KPNA3: variants seen among roughly 807,000 people sequenced by gnomAD.
The protein encoded by KPNA3 is karyopherin subunit alpha 3.
In KPNA3, 13 loss-of-function variants were observed where a neutral mutation model predicts 73.8. That is an observed-to-expected ratio of 0.18 (90% CI 0.11 to 0.28). The LOEUF is 0.28. KPNA3 is among the 10% of genes least tolerant of loss of function. The pLI is 1.00. For synonymous variants in KPNA3, 186 were observed against 206.9 expected (o/e 0.90, Z 0.87); for missense variants, 360 against 618.1 (o/e 0.58, Z 4.43).
At chr13:49,762,606 A>G (rs1274240446) in intron 1 of KPNA3, among the ~76,000 whole-genome samples, 1 of 152,194 alleles carries the variant, frequency 6.6e-6, no homozygotes, top group Non-Finnish European at 1.5e-5. Context: ...GTGTCCACTC[A>G]GGGTTAAATG....
At chr13:49,722,248 CAA>C (rs1954366939) in intron 8 of KPNA3, 124 bp from the exon 9 acceptor site, 1 of 747,778 alleles carries the variant, frequency 1.3e-6, no homozygotes, top group South Asian at 2.5e-5. Flanking sequence ...TCAAAGGCAT[CAA>C]GTGTTGTTTC....
At chr13:49,783,696 A>T (rs1954958779) in intron 1 of KPNA3, among the ~76,000 whole-genome samples, 1 of 152,218 alleles carries the variant, frequency 6.6e-6, no homozygotes, top group Admixed American at 6.5e-5. Flanking sequence ...TTTACTGGAT[A>T]CCAAGAAGTT....
At chr13:49,702,513 T>C (rs1359479471) in intron 15 of KPNA3, 33 bp from the exon 16 acceptor site, 1 of 1,178,804 alleles carries the variant, frequency 8.5e-7, no homozygotes, top group Non-Finnish European at 1.2e-6. Flanking sequence ...AATAACTGGT[T>C]AATTGATAAG....
chr13:49,724,378 A>G (rs1281373845), intron 7 of KPNA3, among the ~76,000 whole-genome samples: 1 of 149,516 alleles, frequency 6.7e-6, no homozygotes, highest in African/African-American at 2.5e-5. Flanking sequence ...ATCTCGGCTC[A>G]CTGCAAGCTC....
intron 1 of KPNA3, among the ~76,000 whole-genome samples, chr13:49,784,026 G>A (rs1382773254): frequency 6.6e-6 from 1 of 152,104 alleles, no homozygotes; most frequent in African/African-American, 2.4e-5. Flanking sequence ...ATTGAGGAGG[G>A]AGGACTGCTT....
At chr13:49,734,330 G>C (rs574876606) in intron 2 of KPNA3, among the ~76,000 whole-genome samples, 5 of 152,272 alleles carry the variant, frequency 3.3e-5, no homozygotes, top group African/African-American at 1.2e-4. Context: ...TTTTGTAACT[G>C]TCTTATTCAG....
In KPNA3 at chr13:49,732,495, G is replaced by A. The variant is rs948109557; in HGVS notation, c.288-29C>T. On this transcript the variant is annotated intron_variant, in intron 5 of 16. Transcript: ENST00000261667. Reference sequence around the variant, plus strand: ...GGAAAATAAATATGAGAAATTAATTGCTATAATTTTCAAACTGTGAAAAGA... The same window carrying A: ...GGAAAATAAATATGAGAAATTAATTACTATAATTTTCAAACTGTGAAAAGA... 3.4e-6 allele frequency: 5 copies of A among 1,485,570 alleles called. No homozygotes were observed. The African/African-American group carries it at 5.6e-5, about 17-fold the overall frequency. The allele number at this position is 1,485,570 out of a possible 1,614,324, so 92.0% of individuals were successfully genotyped here. A position where few individuals can be genotyped will look rare whatever the true frequency, so the allele number is the denominator to read the frequency against.
rs546859140 is a variant in KPNA3 at position 49,745,539 on chromosome 13, T to C, written c.114+1410A>G. 4.9e-4 allele frequency among the ~76,000 whole-genome samples: 74 copies of C among 151,954 alleles called. 1 individual carries two copies. The Middle Eastern group carries it at 0.017, about 35-fold the overall frequency. On this transcript the variant is annotated intron_variant, in intron 2 of 16. Transcript: ENST00000261667. ...CACACCCAACTAATTTTTGTATTTT[T>C]AGTAGACAGGGTTTCACCATGTTGG...
intron 2 of KPNA3, among the ~76,000 whole-genome samples, chr13:49,746,092 G>A (rs1409092905): frequency 7.4e-5 from 11 of 148,110 alleles, no homozygotes; most frequent in Admixed American, 6.1e-4. Context: ...AAAGAAACGT[G>A]TAAAGAAAGA....
At chr13:49,734,672 T>C (rs1476134291) in intron 2 of KPNA3, among the ~76,000 whole-genome samples, 2 of 152,194 alleles carry the variant, frequency 1.3e-5, no homozygotes, top group Admixed American at 1.3e-4. Flanking sequence ...CAGGTCACTG[T>C]GGAGCCCCAT....
At chr13:49,788,005 G>GT (rs1011941708) in intron 1 of KPNA3, among the ~76,000 whole-genome samples, 1 of 152,158 alleles carries the variant, frequency 6.6e-6, no homozygotes, top group African/African-American at 2.4e-5. Context: ...TTGATATATT[G>GT]TAAGTCCAGG....
chr13:49,743,320 G>A (rs561862332), intron 2 of KPNA3, among the ~76,000 whole-genome samples: 2 of 152,108 alleles, frequency 1.3e-5, no homozygotes, highest in South Asian at 4.1e-4. Flanking sequence ...CAGATACTCT[G>A]ACCATAAAGA....
chr13:49,739,838 T>C (rs1012610650), intron 2 of KPNA3, among the ~76,000 whole-genome samples: 22 of 152,216 alleles, frequency 1.4e-4, no homozygotes, highest in African/African-American at 4.6e-4. Context: ...GCTCTTTATT[T>C]AGACAGAAAG....
At chr13:49,729,264 C>A (rs1954439494) in intron 6 of KPNA3, among the ~76,000 whole-genome samples, 1 of 151,836 alleles carries the variant, frequency 6.6e-6, no homozygotes, top group South Asian at 2.1e-4. Flanking sequence ...GTAAAAAAAA[C>A]AGTAAGATCA....
chr13:49,740,212 AC>A (rs1251868746), intron 2 of KPNA3, among the ~76,000 whole-genome samples: 1 of 151,486 alleles, frequency 6.6e-6, no homozygotes, highest in Non-Finnish European at 1.5e-5. Context: ...GTGCCACTGC[AC>A]TCCAACTTGG....
intron 9 of KPNA3, 24 bp from the exon 10 acceptor site, chr13:49,719,843 C>T (rs1338370302): frequency 2.8e-6 from 4 of 1,452,902 alleles, no homozygotes; most frequent in Non-Finnish European, 3.9e-6. Context: ...ATAAACAATA[C>T]TTAACATTAG....
At chr13:49,709,955 T>C (rs934400617) in intron 11 of KPNA3, among the ~76,000 whole-genome samples, 4 of 152,094 alleles carry the variant, frequency 2.6e-5, no homozygotes, top group Non-Finnish European at 4.4e-5. Context: ...GAAATTAAAA[T>C]TTTAGAAGAA....
chr13:49,701,752 G>C lies in KPNA3; in HGVS notation c.*48C>G, dbSNP rs753490647. ...TGTTCTTATCATTTGGTAGCCATCT[G>C]GTGGTGCTTCATATTGAATGTGGGA... is the stretch of plus-strand genomic sequence containing the variant. On this transcript the variant is annotated 3_prime_UTR_variant, in exon 17 of 17. Transcript: ENST00000261667. 1 of 1,100,532 alleles carries C rather than the reference G, an allele frequency of 9.1e-7. No individual in the cohort carries two copies. The highest frequency in any genetic ancestry group is 1.4e-6 in the Non-Finnish European group (1 of 711,992). 68.2% of individuals were successfully genotyped at this position (1,100,532 alleles called of 1,614,324 possible).
At chr13:49,778,709 A>G (rs114321381) in intron 1 of KPNA3, among the ~76,000 whole-genome samples, 370 of 152,230 alleles carry the variant, frequency 2.4e-3, no homozygotes, top group African/African-American at 8.5e-3. Context: ...CTCATGGACT[A>G]AAGAGATCCT....
Sources: allele counts gnomAD v4.1 joint callset (sites outside exome capture counted in the v4.1 genomes callset), GRCh38; gene constraint gnomAD v4.1.1; transcripts MANE v1.5; gene names NCBI Gene and HGNC (gene_info 2026-07-23, HGNC 2026-07-21).